DNAH9: variants seen among roughly 807,000 people sequenced by gnomAD.
DNAH9 encodes dynein axonemal heavy chain 9, also known as DNAH9 variant protein.
DNAH9 carries 345 observed loss-of-function variants against 471.6 expected under a neutral mutation model. That is an observed-to-expected ratio of 0.73 (90% CI 0.67 to 0.80). DNAH9 has a LOEUF of 0.80. Among genes scored for constraint, DNAH9 ranks in the 30% least tolerant of loss-of-function variants. DNAH9 has a pLI of 0.00. For synonymous variants in DNAH9, 2,093 were observed against 2,123.6 expected, an observed-to-expected ratio of 0.99 and a Z score of 0.40; for missense variants, 5,407 against 5,609.2, an observed-to-expected ratio of 0.96 and a Z score of 1.15.
intron 67 of DNAH9, among the ~76,000 whole-genome samples, chr17:11,953,089 CTT>C (rs1975456166): frequency 1.3e-5 from 2 of 152,188 alleles, no homozygotes; most frequent in East Asian, 1.9e-4. Context: ...TATGACGTCA[CTT>C]AACCTTAATT....
chr17:11,898,037 G>C (rs985468612), intron 59 of DNAH9, among the ~76,000 whole-genome samples: 4 of 152,080 alleles, frequency 2.6e-5, no homozygotes, highest in African/African-American at 9.7e-5. Flanking sequence ...ATAACTCCAG[G>C]GTCTGTCTCC....
intron 37 of DNAH9, among the ~76,000 whole-genome samples, chr17:11,768,902 G>C (rs1408493002): frequency 6.6e-6 from 1 of 152,148 alleles, no homozygotes; most frequent in African/African-American, 2.4e-5. Flanking sequence ...GGGTGGTAGA[G>C]GAGAGCGGGG....
chr17:11,840,691 C>T (rs1029529209), intron 49 of DNAH9, among the ~76,000 whole-genome samples: 3 of 151,692 alleles, frequency 2.0e-5, no homozygotes, highest in Non-Finnish European at 2.9e-5. Context: ...CCAGGTGGGC[C>T]CTAAGTAATC....
At position 11,704,336 on chromosome 17, in the gene DNAH9, C is replaced by T. The variant is rs773683740; in HGVS notation, c.5285C>T (p.Thr1762Ile). ...GTGGCCCAGCTCAAAACCCTTATCA[C>T]CATGCTGATTGGCCAGCTCTCCAAG... ...KQVAQLKTLI[T>I]MLIGQLSKGD... The change falls in exon 25 of 69, where the codon ACC becomes ATC. Residue 1762 changes from threonine (T) to isoleucine (I), a missense_variant. Transcript: ENST00000262442. The T allele has an allele frequency of 3.7e-6, 6 of 1,614,178 alleles. No homozygotes were observed. Among genetic ancestry groups the T allele is most frequent in the South Asian group, 2.2e-5 (2 of 91,080 alleles).
At chr17:11,907,531 C>A (rs1257807170) in intron 61 of DNAH9, among the ~76,000 whole-genome samples, 8 of 152,076 alleles carry the variant, frequency 5.3e-5, no homozygotes, top group Non-Finnish European at 1.2e-4. Flanking sequence ...GTCTGACCCC[C>A]CCTTCCCATC....
chr17:11,844,873 G>A (rs993793813), intron 49 of DNAH9, among the ~76,000 whole-genome samples: 7 of 152,008 alleles, frequency 4.6e-5, no homozygotes, highest in Non-Finnish European at 8.8e-5. Context: ...ATTTCATTGC[G>A]GTTTTGATTT....
At chr17:11,664,727 CA>C (rs1337952171) in intron 14 of DNAH9, 105 bp from the exon 15 acceptor site, 17 of 924,670 alleles carry the variant, frequency 1.8e-5, no homozygotes, top group Non-Finnish European at 2.8e-5. Context: ...AAATTCTCCA[CA>C]AGAGAGTTTT....
intron 52 of DNAH9, 38 bp downstream of exon 52, chr17:11,871,824 T>C (rs1972276119): frequency 1.2e-6 from 2 of 1,602,028 alleles, no homozygotes; most frequent in Non-Finnish European, 1.7e-6. Context: ...CACATCAGCC[T>C]CTGGGCACCA....
rs773374873 is a variant in DNAH9, at chr17:11,892,061, C to G, written c.11283+114C>G. 116 of 1,284,032 alleles carry G rather than the reference C, an allele frequency of 9.0e-5. No individual in the cohort carries two copies. Among genetic ancestry groups the G allele is most frequent in the Non-Finnish European group, 1.2e-4 (114 of 914,820 alleles). 79.5% of individuals were successfully genotyped at this position (1,284,032 alleles called of 1,614,324 possible). ...ACTTTCCACAGCATGTCCAGACTAT[C>G]TGTCTTTGGATAGAGGCATCAGACA... On this transcript the variant is annotated intron_variant, in intron 58 of 68. Coordinates refer to ENST00000262442, the MANE Select transcript of DNAH9 (RefSeq NM_001372.4). The surrounding 1 kb of genome is among the most constrained non-coding windows in gnomAD (Gnocchi z 4.3).
chr17:11,771,572 C>T (rs1304751576), intron 38 of DNAH9, among the ~76,000 whole-genome samples: 2 of 152,214 alleles, frequency 1.3e-5, no homozygotes, highest in African/African-American at 2.4e-5. Context: ...CCATCAAGGC[C>T]GAAGTCATCA....
chr17:11,838,726 A>G (rs567239273), intron 49 of DNAH9, among the ~76,000 whole-genome samples: 1 of 152,258 alleles, frequency 6.6e-6, no homozygotes, highest in South Asian at 2.1e-4. Flanking sequence ...CCGGTTCACA[A>G]TCTACAGGTG....
At chr17:11,724,360 C>T (rs186144097) in intron 27 of DNAH9, among the ~76,000 whole-genome samples, 10 of 152,224 alleles carry the variant, frequency 6.6e-5, no homozygotes, top group Admixed American at 3.9e-4. Context: ...CTCTGGTAAC[C>T]ATCATTCTAC....
At chr17:11,650,768 C>T (rs947297165) in intron 12 of DNAH9, among the ~76,000 whole-genome samples, 2 of 152,228 alleles carry the variant, frequency 1.3e-5, no homozygotes, top group Admixed American at 6.5e-5. Flanking sequence ...TCCGCAGCCA[C>T]ATTGTCCAAA....
At chr17:11,889,696 G>A (rs1236507037) in intron 57 of DNAH9, among the ~76,000 whole-genome samples, 1 of 152,220 alleles carries the variant, frequency 6.6e-6, no homozygotes, top group East Asian at 1.9e-4. Flanking sequence ...TGAAGAGATG[G>A]GCTAGGTTTG....
At chr17:11,757,216 C>T (rs530164414) in intron 34 of DNAH9, among the ~76,000 whole-genome samples, 17 of 152,186 alleles carry the variant, frequency 1.1e-4, no homozygotes, top group African/African-American at 3.9e-4. Context: ...GTTAGCCATA[C>T]TGTAGTGTGC....
rs566940743 is a variant in DNAH9 at position 11,608,031 on chromosome 17, G to T, written c.418-98G>T. On this transcript the variant is annotated intron_variant, in intron 1 of 68. Coordinates refer to ENST00000262442, the MANE Select transcript of DNAH9 (RefSeq NM_001372.4). ...CCTTCCAGCACAGTGACCTGCAAAA[G>T]GTTGTATATAGCTTTATAAGCCTTT... The T allele has an allele frequency of 2.1e-3, 1,845 of 887,742 alleles. 6 individuals carry two copies. Among genetic ancestry groups the T allele is most frequent in the Non-Finnish European group, 3.0e-3 (1,736 of 579,646 alleles). The allele number at this position is 887,742 out of a possible 1,614,324, so 55.0% of individuals were successfully genotyped here. A position where few individuals can be genotyped will look rare whatever the true frequency, so the allele number is the denominator to read the frequency against.
chr17:11,694,498 C>T (rs368186064), intron 22 of DNAH9, 51 bp downstream of exon 22: 402 of 1,604,804 alleles, frequency 2.5e-4, no homozygotes, highest in Admixed American at 9.6e-4. Context: ...GAGGGGTGCC[C>T]AGCAGGAGGC....
At chr17:11,799,311 C>T (rs539064130) in intron 43 of DNAH9, among the ~76,000 whole-genome samples, 234 of 151,738 alleles carry the variant, frequency 1.5e-3, no homozygotes, top group Non-Finnish European at 2.7e-3. Flanking sequence ...AGTAGTTATC[C>T]GTTATCTCTC....
intron 26 of DNAH9, among the ~76,000 whole-genome samples, chr17:11,706,666 A>G (rs1364918758): frequency 1.3e-5 from 2 of 152,206 alleles, no homozygotes; most frequent in Non-Finnish European, 2.9e-5. Context: ...TTCCAGTAGG[A>G]TTTAAATAGG....
Sources: allele counts gnomAD v4.1 joint callset (sites outside exome capture counted in the v4.1 genomes callset), GRCh38; gene constraint gnomAD v4.1.1; non-coding constraint Gnocchi (gnomAD v3.1); transcripts MANE v1.5; gene names NCBI Gene and HGNC (gene_info 2026-07-23, HGNC 2026-07-21).